HM13: variants seen among roughly 807,000 people sequenced by gnomAD.
HM13 encodes the protein signal peptide peptidase.
Under a neutral mutation model 50.0 loss-of-function variants are expected in HM13, and 18 were observed. The observed-to-expected ratio is 0.36, with a 90% CI of 0.25 to 0.53. The LOEUF is 0.53. Ranked by LOEUF, HM13 falls within the 20% of genes least tolerant of loss-of-function variation. HM13 has a pLI of 0.90. For missense variants in HM13, 393 were observed against 552.4 expected (o/e 0.71, Z 2.89); for synonymous variants, 197 against 232.6 (o/e 0.85, Z 1.39).
rs1038828311 is a variant in HM13 at position 31,514,487 on chromosome 20, T to C, written c.-65T>C. On this transcript the variant is annotated 5_prime_UTR_variant, in exon 1 of 13. Transcript: ENST00000398174. This position sits in a 1 kb window ranked among gnomAD's most constrained non-coding sequence, Gnocchi z 4.3. The stretch of plus-strand genomic sequence containing the variant: ...AACGTGGCTTTCCCTGCAGAGCCGG[T>C]GTCTCCGCCTGCGTCCCTGCTGCAG... 6.6e-7 allele frequency: 1 copy of C among 1,521,638 alleles called. No homozygotes were observed. The highest frequency in any genetic ancestry group is 1.2e-5 in the South Asian group (1 of 82,684). 94.3% of individuals were successfully genotyped at this position (1,521,638 alleles called of 1,614,324 possible). A position where few individuals can be genotyped will look rare whatever the true frequency, so the allele number is the denominator to read the frequency against.
intron 1 of HM13, among the ~76,000 whole-genome samples, chr20:31,517,209 C>T (rs934495427): frequency 6.6e-6 from 1 of 152,072 alleles, no homozygotes; most frequent in Non-Finnish European, 1.5e-5. Flanking sequence ...AATGTGAGGA[C>T]AGAATCCCCA....
intron 1 of HM13, among the ~76,000 whole-genome samples, chr20:31,526,689 A>G (rs910884985): frequency 6.6e-6 from 1 of 152,214 alleles, no homozygotes; most frequent in Non-Finnish European, 1.5e-5. Context: ...CAAGTCTGCC[A>G]GTCAAATTTC....
chr20:31,536,323 A>G (rs1231628884), intron 2 of HM13, among the ~76,000 whole-genome samples: 1 of 152,062 alleles, frequency 6.6e-6, no homozygotes, highest in Non-Finnish European at 1.5e-5. Context: ...AGATCGCACC[A>G]TTGCCCTCCA....
chr20:31,534,563 G>A (rs756671212), intron 2 of HM13, among the ~76,000 whole-genome samples: 29 of 149,322 alleles, frequency 1.9e-4, no homozygotes, highest in Admixed American at 1.1e-3. Flanking sequence ...GCAGCAGATC[G>A]TTTGAGCCCA....
intron 10 of HM13, among the ~76,000 whole-genome samples, chr20:31,563,816 C>A (rs1271273586): frequency 1.3e-5 from 2 of 152,070 alleles, no homozygotes; most frequent in Non-Finnish European, 2.9e-5. Flanking sequence ...GTGGCTCACA[C>A]CTGTAATCCC....
rs184442400 is a variant in HM13, at chr20:31,532,657, G to A, written c.282+5075G>A. On this transcript the variant is annotated intron_variant, in intron 2 of 12. Coordinates refer to ENST00000398174, the MANE Select transcript of HM13 (RefSeq NM_178581.3). ...TAAAATATGTAGTGTTGGTATATCT[G>A]TGTGTATGAGTGGGAATTGCATTTC... 1.4e-3 allele frequency among the ~76,000 whole-genome samples: 207 copies of A among 152,308 alleles called. 2 individuals carry two copies. The highest frequency in any genetic ancestry group is 3.4e-3 in the Middle Eastern group (1 of 292).
intron 8 of HM13, among the ~76,000 whole-genome samples, chr20:31,558,659 A>G (rs1347914448): frequency 3.3e-5 from 5 of 152,078 alleles, no homozygotes; most frequent in South Asian, 2.1e-4. Context: ...GGGAAGCACA[A>G]TTCTCCTGCC....
chr20:31,529,160 T>C (rs1365410777), intron 2 of HM13, among the ~76,000 whole-genome samples: 1 of 152,202 alleles, frequency 6.6e-6, no homozygotes, highest in African/African-American at 2.4e-5. Flanking sequence ...GGTTTTACTA[T>C]GTTGCCCAGG....
rs758504552 is a variant in HM13, at chr20:31,538,227, G to T, written c.331G>T (p.Val111Leu). The T allele has an allele frequency of 6.2e-7, 1 of 1,613,948 alleles. No homozygotes were observed. Among genetic ancestry groups the T allele is most frequent in the Non-Finnish European group, 8.5e-7 (1 of 1,179,936 alleles). ...CCTCCTGCTGTCCATGTATTTCTTC[G>T]TGCTGGGAATCCTGGCCCTGTCCCA... ...INLLLSMYFF[V>L]LGILALSHTI... Residue 111 changes from valine (V) to leucine (L), a missense_variant, in exon 3 of 13, where the codon GTG becomes TTG. This residue lies in a region of HM13 where 214 missense variants were observed against 276.1 expected (regional missense o/e 0.77). Transcript: ENST00000398174.
At position 31,545,961 on chromosome 20, in the gene HM13, C is replaced by T. The variant is rs542929528; in HGVS notation, c.454+926C>T. ...ATCTGCCCACCTCAGCCTCCCAAAG[C>T]GCTAGAATTACAGGCGTGAGTGAGC... On this transcript the variant is annotated intron_variant, in intron 4 of 12. Transcript: ENST00000398174. 5.5e-4 allele frequency among the ~76,000 whole-genome samples: 84 copies of T among 151,696 alleles called. 1 individual carries two copies. In the East Asian group the frequency reaches 6.8e-3, roughly 12 times the overall value.
At chr20:31,546,327 C>T (rs571672377) in intron 4 of HM13, among the ~76,000 whole-genome samples, 3 of 152,246 alleles carry the variant, frequency 2.0e-5, no homozygotes, top group South Asian at 2.1e-4. Context: ...TGAGCCACCG[C>T]GCCCGGCCGT....
At position 31,566,200 on chromosome 20, in the gene HM13, C is replaced by T. The variant is rs756968633; in HGVS notation, c.949-10C>T. The T allele has an allele frequency of 1.2e-6, 2 of 1,612,440 alleles. No individual in the cohort carries two copies. Among genetic ancestry groups the T allele is most frequent in the Non-Finnish European group, 1.7e-6 (2 of 1,178,646 alleles). ...CCAGCATGGCTTCACCAGCCTGTGT[C>T]CTCTCATAGCCTGCCCTCCTATACC... On this transcript the variant is annotated splice_polypyrimidine_tract_variant and intron_variant, in intron 10 of 12. Transcript: ENST00000398174.
At chr20:31,519,555 C>T (rs1305768938) in intron 1 of HM13, among the ~76,000 whole-genome samples, 9 of 152,158 alleles carry the variant, frequency 5.9e-5, no homozygotes, top group Admixed American at 4.6e-4. Flanking sequence ...AGTATCTGGT[C>T]CCTGGGCCAG....
chr20:31,525,617 G>A (rs1021260581), intron 1 of HM13, among the ~76,000 whole-genome samples: 9 of 152,038 alleles, frequency 5.9e-5, no homozygotes, highest in African/African-American at 1.9e-4. Context: ...TTGTCCCAGC[G>A]GGGAAATCTG....
intron 1 of HM13, 130 bp from the exon 2 acceptor site, chr20:31,527,354 C>A: frequency 4.8e-6 from 3 of 623,798 alleles, no homozygotes; most frequent in South Asian, 2.1e-5. Flanking sequence ...AAAAAAATGG[C>A]AAGATCAGAG....
At chr20:31,515,562 T>C (rs548106886) in intron 1 of HM13, among the ~76,000 whole-genome samples, 61 of 152,080 alleles carry the variant, frequency 4.0e-4, no homozygotes, top group Middle Eastern at 6.8e-3. Flanking sequence ...CTTCTCCCCA[T>C]ACCCCCAAGA....
chr20:31,551,615 A>G (rs1984037478), intron 7 of HM13, among the ~76,000 whole-genome samples: 1 of 152,198 alleles, frequency 6.6e-6, no homozygotes, highest in Non-Finnish European at 1.5e-5. Flanking sequence ...CAAGGCTCAG[A>G]GAGGGGAACA....
intron 1 of HM13, among the ~76,000 whole-genome samples, chr20:31,524,081 A>C (rs953564167): frequency 2.6e-5 from 4 of 152,182 alleles, no homozygotes; most frequent in Non-Finnish European, 5.9e-5. Flanking sequence ...ATTTGCTTTA[A>C]GACTCCTATG....
Position 31,568,198 on chromosome 20 carries a change from C to T in HM13, c.1155C>T (p.Arg385=). The part of the protein sequence containing the change: ...SMQQKLAGPR[R]RRPQNPSAIY... ...AGCAGAAGCTAGCTGGCCCTCGCCG[C>T]CGGCGCCCGCAGAATCCCAGCGCCA... Residue 385 remains arginine, a synonymous_variant, in exon 12 of 13, where the codon CGC becomes CGT. Coordinates refer to ENST00000398174, the MANE Select transcript of HM13 (RefSeq NM_178581.3). 3 of 1,612,908 alleles carry T rather than the reference C, an allele frequency of 1.9e-6. No individual in the cohort carries two copies. The highest frequency in any genetic ancestry group is 1.3e-5 in the African/African-American group (1 of 75,064).
Sources: allele counts gnomAD v4.1 joint callset (sites outside exome capture counted in the v4.1 genomes callset), GRCh38; gene constraint gnomAD v4.1.1; regional missense constraint gnomAD v4.1.1; non-coding constraint Gnocchi (gnomAD v3.1); transcripts MANE v1.5; gene names NCBI Gene and HGNC (gene_info 2026-07-23, HGNC 2026-07-21).